The following CAND2 variants were observed in gnomAD, a reference collection of about 807,000 sequenced individuals.
CAND2 encodes cullin-associated NEDD8-dissociated protein 2.
CAND2 carries 62 observed loss-of-function variants against 98.9 expected under a neutral mutation model. The ratio of observed to expected loss-of-function variants is 0.63; its 90% CI spans 0.51 to 0.77. CAND2 has a LOEUF of 0.77. CAND2 is among the 30% of genes least tolerant of loss of function. The probability of loss-of-function intolerance (pLI) is 0.00; values close to 1 mark genes in which losing one functional copy is unlikely to be tolerated. For missense variants in CAND2, 1,501 were observed against 1,655.2 expected, an observed-to-expected ratio of 0.91 and a Z score of 1.62; for synonymous variants, 770 against 731.9, an observed-to-expected ratio of 1.05 and a Z score of -0.84.
At chr3:12,830,827 C>G (rs1210834876) in intron 13 of CAND2, among the ~76,000 whole-genome samples, 1 of 152,176 alleles carries the variant, frequency 6.6e-6, no homozygotes, top group Non-Finnish European at 1.5e-5. Context: ...CTGCCGTGGG[C>G]TGGGCCTCCT....
chr3:12,825,406 G>A, intron 11 of CAND2, 64 bp from the exon 12 acceptor site: 4 of 1,467,264 alleles, frequency 2.7e-6, no homozygotes, highest in South Asian at 1.3e-5. Flanking sequence ...TGGCCGGGGT[G>A]GTGAGGGAGG....
intron 13 of CAND2, among the ~76,000 whole-genome samples, chr3:12,828,729 C>T (rs906205397): frequency 6.6e-5 from 10 of 152,202 alleles, no homozygotes; most frequent in Non-Finnish European, 1.5e-5. Context: ...CATCTCAGAA[C>T]TCTTTTCTCC....
At chr3:12,798,119 A>G (rs2061739807) in intron 1 of CAND2, among the ~76,000 whole-genome samples, 1 of 152,162 alleles carries the variant, frequency 6.6e-6, no homozygotes, top group African/African-American at 2.4e-5. Context: ...GGTAAGGATT[A>G]AATAAGATAG....
At chr3:12,812,887 C>A in intron 5 of CAND2, 103 bp from the exon 6 acceptor site, 1 of 707,696 alleles carries the variant, frequency 1.4e-6, no homozygotes, top group Non-Finnish European at 2.5e-6. Flanking sequence ...GTTGAATCTA[C>A]AGTGGTCAGG....
chr3:12,817,889 GT>G lies in CAND2; in HGVS notation c.2944+14del. On this transcript the variant is annotated intron_variant, in intron 10 of 14. Transcript: ENST00000456430. ...CAGCTTGCTGCAGGTAGGCACACAG[GT>G]GTGGGCAAGGCAGCCCACCTCGGAG... 6.7e-7 allele frequency: 1 copy of G among 1,499,884 alleles called. No individual in the cohort carries two copies. The highest frequency in any genetic ancestry group is 2.3e-5 in the East Asian group (1 of 43,006). 92.9% of individuals were successfully genotyped at this position (1,499,884 alleles called of 1,614,324 possible).
Position 12,808,204 on chromosome 3 carries a change from G to A in CAND2, c.368-6G>A, listed in dbSNP as rs1200262579. 1 of 1,550,810 alleles carries A rather than the reference G, an allele frequency of 6.4e-7. No individual in the cohort carries two copies. The highest frequency in any genetic ancestry group is 8.7e-7 in the Non-Finnish European group (1 of 1,146,882). On this transcript the variant is annotated splice_polypyrimidine_tract_variant and splice_region_variant and intron_variant, in intron 3 of 14. Coordinates refer to ENST00000456430, the MANE Select transcript of CAND2 (RefSeq NM_001162499.2). Reference sequence around the variant, plus strand: ...CCTCACTGTGCCCACCTTGTGCCCTGTGCAGGCTCCGGGCTGGCCACCAAC... The same window carrying A: ...CCTCACTGTGCCCACCTTGTGCCCTATGCAGGCTCCGGGCTGGCCACCAAC...
Position 12,834,190 on chromosome 3 carries a change from G to A in CAND2, c.*208G>A. Reference sequence around the variant, plus strand: ...CAAGCTGTGAGGCTGCCAACAGTTGGGCCCCTTCCTTAACTCAGGACAGTC... The same window carrying A: ...CAAGCTGTGAGGCTGCCAACAGTTGAGCCCCTTCCTTAACTCAGGACAGTC... On this transcript the variant is annotated 3_prime_UTR_variant, in exon 15 of 15. Coordinates refer to ENST00000456430, the MANE Select transcript of CAND2 (RefSeq NM_001162499.2). The A allele has an allele frequency of 1.7e-6, 1 of 590,052 alleles. No homozygotes were observed. Among genetic ancestry groups the A allele is most frequent in the Non-Finnish European group, 3.0e-6 (1 of 331,256 alleles). The allele number at this position is 590,052 out of a possible 1,614,324, so 36.6% of individuals were successfully genotyped here.
intron 4 of CAND2, among the ~76,000 whole-genome samples, chr3:12,809,294 C>T (rs1292180703): frequency 6.6e-6 from 1 of 152,074 alleles, no homozygotes; most frequent in Non-Finnish European, 1.5e-5. Flanking sequence ...GGGAGGCACT[C>T]ACTCAACCAC....
At position 12,813,230 on chromosome 3, in the gene CAND2, T is replaced by C; in HGVS notation, c.864-16T>C. On this transcript the variant is annotated splice_polypyrimidine_tract_variant and intron_variant, in intron 6 of 14. Transcript: ENST00000456430. ...CTGGCTGGATCCAGCAAAGCATTCC[T>C]CATCCTGCCCCACAGGTGCCCCAAG... The C allele has an allele frequency of 4.3e-6, 7 of 1,611,890 alleles. No individual in the cohort carries two copies. Among genetic ancestry groups the C allele is most frequent in the Non-Finnish European group, 5.9e-6 (7 of 1,179,256 alleles).
At position 12,817,599 on chromosome 3, in the gene CAND2, T is replaced by A. The variant is rs556609678; in HGVS notation, c.2667T>A (p.Gly889=). ...AAASYALGRV[G]AGSLPDFLPF... ...CCTCGTATGCACTGGGCCGTGTGGGTGCTGGCAGCCTGCCCGACTTCCTGC... is the reference window on the plus strand; with the variant it reads ...CCTCGTATGCACTGGGCCGTGTGGGAGCTGGCAGCCTGCCCGACTTCCTGC... Residue 889 remains glycine (G), a synonymous_variant, in exon 10 of 15, where the codon GGT becomes GGA. Coordinates refer to ENST00000456430, the MANE Select transcript of CAND2 (RefSeq NM_001162499.2). 1 of 1,613,858 alleles carries A rather than the reference T, an allele frequency of 6.2e-7. No homozygotes were observed. The highest frequency in any genetic ancestry group is 1.1e-5 in the South Asian group (1 of 91,080).
intron 13 of CAND2, among the ~76,000 whole-genome samples, chr3:12,827,947 C>T (rs1020102994): frequency 6.6e-6 from 1 of 151,302 alleles, no homozygotes; most frequent in Non-Finnish European, 1.5e-5. Context: ...CACACCACTG[C>T]ACTCCAACCT....
At position 12,810,065 on chromosome 3, in the gene CAND2, T is replaced by G. The variant is rs754099336; in HGVS notation, c.498T>G (p.Gly166=). ...DILSDMLSRL[G]VPLGAFHASL... ...GCCCCCTCGTGCTCCCCAGGCTGGG[T>G]GTCCCGCTGGGCGCCTTCCACGCCA... The change falls in exon 5 of 15, where the codon GGT becomes GGG. Residue 166 remains glycine (G), a synonymous_variant. Transcript: ENST00000456430. 2.5e-5 allele frequency: 36 copies of G among 1,422,856 alleles called. No individual in the cohort carries two copies. The highest frequency in any genetic ancestry group is 1.9e-5 in the Non-Finnish European group (21 of 1,088,922). 88.1% of individuals were successfully genotyped at this position (1,422,856 alleles called of 1,614,324 possible).
chr3:12,805,928 C>T (rs1230270107), intron 2 of CAND2, among the ~76,000 whole-genome samples: 1 of 152,096 alleles, frequency 6.6e-6, no homozygotes, highest in East Asian at 1.9e-4. Context: ...ACCAAGGACC[C>T]CCATAAATTG....
At chr3:12,823,687 G>A (rs1258501782) in intron 11 of CAND2, among the ~76,000 whole-genome samples, 4 of 151,844 alleles carry the variant, frequency 2.6e-5, no homozygotes, top group African/African-American at 7.3e-5. Flanking sequence ...CCGAGATTGC[G>A]CCACTGCACT....
At position 12,808,334 on chromosome 3, in the gene CAND2, G is replaced by A; in HGVS notation, c.491+1G>A. The A allele has an allele frequency of 6.4e-7, 1 of 1,551,386 alleles. No homozygotes were observed. Among genetic ancestry groups the A allele is most frequent in the Non-Finnish European group, 8.7e-7 (1 of 1,146,842 alleles). ...ACATCCTCTCTGACATGCTGAGCAG[G>A]TGTGGGAGGCCATCCTGGGTATTGA... On this transcript the variant is annotated splice_donor_variant, in intron 4 of 14. Transcript: ENST00000456430. LOFTEE classifies it high-confidence loss of function.
chr3:12,812,042 G>A (rs1189178981), intron 5 of CAND2, among the ~76,000 whole-genome samples: 2 of 151,728 alleles, frequency 1.3e-5, no homozygotes, highest in Non-Finnish European at 2.9e-5. Context: ...CCAAGTAGCT[G>A]GGATTACAGG....
At chr3:12,826,782 C>T (rs2062004280) in intron 12 of CAND2, among the ~76,000 whole-genome samples, 1 of 128,650 alleles carries the variant, frequency 7.8e-6, no homozygotes, top group African/African-American at 3.2e-5. Flanking sequence ...AATTAACCTG[C>T]CCAACTCAGT....
At position 12,815,577 on chromosome 3, in the gene CAND2, G is replaced by A. The variant is rs756942779; in HGVS notation, c.1299+144G>A. On this transcript the variant is annotated intron_variant, in intron 8 of 14. Transcript: ENST00000456430. This position sits in a 1 kb window ranked among gnomAD's most constrained non-coding sequence, Gnocchi z 5.7. ...GGGGTCCCTGGGGTGGGGGGCGGGAGCCAGCCAGGCTTCTGGAGTGTAGTA... is the reference window on the plus strand; with the variant it reads ...GGGGTCCCTGGGGTGGGGGGCGGGAACCAGCCAGGCTTCTGGAGTGTAGTA... The A allele has an allele frequency of 1.1e-6, 1 of 905,020 alleles. No individual in the cohort carries two copies. Among genetic ancestry groups the A allele is most frequent in the East Asian group, 2.7e-5 (1 of 37,524 alleles). 56.1% of individuals were successfully genotyped at this position (905,020 alleles called of 1,614,324 possible).
intron 13 of CAND2, among the ~76,000 whole-genome samples, 195 bp downstream of exon 13, chr3:12,827,799 T>A (rs1216891008): frequency 6.6e-6 from 1 of 152,010 alleles, no homozygotes; most frequent in Non-Finnish European, 1.5e-5. Context: ...GCAGGCTCTT[T>A]GGAGGATGGT....
Sources: allele counts gnomAD v4.1 joint callset (sites outside exome capture counted in the v4.1 genomes callset), GRCh38; gene constraint gnomAD v4.1.1; non-coding constraint Gnocchi (gnomAD v3.1); transcripts MANE v1.5; gene names NCBI Gene and HGNC (gene_info 2026-07-23, HGNC 2026-07-21).